IFT88: variants seen among roughly 807,000 people sequenced by gnomAD.
The protein encoded by IFT88 is intraflagellar transport 88.
Under a neutral mutation model 119.5 loss-of-function variants are expected in IFT88, and 74 were observed. The observed-to-expected ratio is 0.62, with a 90% CI of 0.51 to 0.75. The LOEUF (loss-of-function observed/expected upper bound fraction) is 0.75, where lower values mean the gene tolerates loss of function less well. IFT88 is among the 30% of genes least tolerant of loss of function. IFT88 has a pLI of 0.00. For missense variants in IFT88, 961 were observed against 977.7 expected (o/e 0.98, Z 0.23); for synonymous variants, 279 against 316.7 (o/e 0.88, Z 1.26).
intron 14 of IFT88, among the ~76,000 whole-genome samples, chr13:20,622,608 T>C (rs558949084): frequency 6.6e-6 from 1 of 152,384 alleles, no homozygotes; most frequent in Non-Finnish European, 1.5e-5. Context: ...CATGTACTTA[T>C]TAGCTATTTG....
At chr13:20,621,098 C>CTCTG (rs2046402782) in intron 14 of IFT88, among the ~76,000 whole-genome samples, 1 of 151,284 alleles carries the variant, frequency 6.6e-6, no homozygotes, top group Admixed American at 6.6e-5. Context: ...CAGAGTCTTG[C>CTCTG]TCTGTCACCC....
intron 23 of IFT88, 73 bp downstream of exon 23, chr13:20,663,677 A>G (rs987258214): frequency 9.6e-7 from 1 of 1,041,712 alleles, no homozygotes; most frequent in East Asian, 2.5e-5. Flanking sequence ...CAAATGTGTG[A>G]TGTTAGGAGC....
intron 22 of IFT88, among the ~76,000 whole-genome samples, chr13:20,657,207 G>A (rs558957677): frequency 1.3e-5 from 2 of 152,174 alleles, no homozygotes; most frequent in South Asian, 2.1e-4. Flanking sequence ...TTAATATGCT[G>A]CGTACTCAGT....
chr13:20,597,463 A>G (rs547473248), intron 9 of IFT88, among the ~76,000 whole-genome samples: 28 of 152,168 alleles, frequency 1.8e-4, no homozygotes, highest in Admixed American at 9.2e-4. Flanking sequence ...AAAAATATGT[A>G]GCCGGGTGCC....
At chr13:20,620,574 T>A (rs1380901587) in intron 14 of IFT88, among the ~76,000 whole-genome samples, 1 of 152,160 alleles carries the variant, frequency 6.6e-6, no homozygotes, top group Non-Finnish European at 1.5e-5. Context: ...TTATTTTTAT[T>A]TTTGTTTTTT....
In IFT88 at chr13:20,605,063, A is replaced by C; in HGVS notation, c.1070A>C (p.Glu357Ala). The C allele has an allele frequency of 6.6e-7, 1 of 1,510,372 alleles. No individual in the cohort carries two copies. Among genetic ancestry groups the C allele is most frequent in the Non-Finnish European group, 9.2e-7 (1 of 1,088,536 alleles). The allele number at this position is 1,510,372 out of a possible 1,614,324, so 93.6% of individuals were successfully genotyped here. ...GATCCTCATACTAACTTAGTAACTG[A>C]AGCTATAAAAAATGATCACCTCAGG... ...SDDPHTNLVT[E>A]AIKNDHLRQM... is the part of the protein sequence containing the mutation. The change falls in exon 13 of 26, where the codon GAA (glutamate) becomes GCA (alanine). Residue 357 changes from glutamate (E) to alanine (A), a missense_variant. Transcript: ENST00000351808.
chr13:20,611,017 GGGA>G (rs776567802), intron 13 of IFT88, among the ~76,000 whole-genome samples: 40 of 151,576 alleles, frequency 2.6e-4, no homozygotes, highest in Non-Finnish European at 3.2e-4. Context: ...CCTGAACCTG[GGGA>G]GGTTGAGTCT....
intron 18 of IFT88, chr13:20,642,295 G>T (rs2050069807): frequency 6.6e-6 from 1 of 152,090 alleles, no homozygotes. Flanking sequence ...TTTTGATAAA[G>T]AATTTTATTG....
At position 20,581,823 on chromosome 13, in the gene IFT88, A is replaced by G. The variant is rs144361647; in HGVS notation, c.91-1134A>G. Among the ~76,000 whole-genome samples the G allele has an allele frequency of 4.7e-3, 696 of 149,360 alleles. 10 individuals carry two copies. The highest frequency in any genetic ancestry group is 0.016 in the African/African-American group (660 of 40,566). ...AGCTGTGATCGCACCACTGTACTCC[A>G]GCTTGGAGGTTGGAGTGAAACCCTG... On this transcript the variant is annotated intron_variant, in intron 2 of 25. Transcript: ENST00000351808.
intron 24 of IFT88, among the ~76,000 whole-genome samples, chr13:20,673,190 C>G (rs373785860): frequency 6.6e-5 from 10 of 152,204 alleles, no homozygotes; most frequent in African/African-American, 2.2e-4. Context: ...CCAACCAGTT[C>G]CTTCTAAACA....
At chr13:20,688,236 A>G (rs945259296) in intron 24 of IFT88, among the ~76,000 whole-genome samples, 1 of 152,152 alleles carries the variant, frequency 6.6e-6, no homozygotes, top group Non-Finnish European at 1.5e-5. Context: ...AATCCCAGCT[A>G]CTCGAGAGGC....
chr13:20,683,462 C>T (rs1429587741), intron 24 of IFT88, among the ~76,000 whole-genome samples: 4 of 152,100 alleles, frequency 2.6e-5, no homozygotes, highest in Non-Finnish European at 5.9e-5. Flanking sequence ...AAATCTCTCC[C>T]CTATAAATTT....
chr13:20,643,468 G>GA lies in IFT88; in HGVS notation c.1700dup (p.Asn567LysfsTer7). On this transcript the variant is annotated frameshift_variant, in exon 19 of 26. Transcript: ENST00000351808. LOFTEE classifies it high-confidence loss of function. ...ACATTGCATAAGATATGAATTAATG[G>GA]AAAATCCCAGTCAAGCTATTGAATG... 6.3e-7 allele frequency: 1 copy of GA among 1,597,640 alleles called. No homozygotes were observed. Among genetic ancestry groups the GA allele is most frequent in the Non-Finnish European group, 8.5e-7 (1 of 1,175,804 alleles).
At chr13:20,670,608 T>C (rs2055646460) in intron 23 of IFT88, among the ~76,000 whole-genome samples, 1 of 151,554 alleles carries the variant, frequency 6.6e-6, no homozygotes, top group Admixed American at 6.6e-5. Context: ...AATGGCCCTT[T>C]TGTAGATTCT....
intron 16 of IFT88, among the ~76,000 whole-genome samples, chr13:20,637,953 A>AG (rs2049278848): frequency 6.6e-6 from 1 of 152,204 alleles, no homozygotes; most frequent in Non-Finnish European, 1.5e-5. Flanking sequence ...GAGACCTAGT[A>AG]GGTGACGCAG....
In IFT88 at chr13:20,691,044, C is replaced by A; in HGVS notation, c.2354-10C>A. 1.2e-6 allele frequency: 2 copies of A among 1,611,014 alleles called. No individual in the cohort carries two copies. The highest frequency in any genetic ancestry group is 1.7e-6 in the Non-Finnish European group (2 of 1,179,066). Reference sequence around the variant, plus strand: ...CATAACTCTAACGTGACAATCTCTTCGAAACCTAGATGCCTCCTATGTGGA... The same window carrying A: ...CATAACTCTAACGTGACAATCTCTTAGAAACCTAGATGCCTCCTATGTGGA... On this transcript the variant is annotated splice_polypyrimidine_tract_variant and intron_variant, in intron 25 of 25. Transcript: ENST00000351808.
Position 20,638,498 on chromosome 13 carries a change from C to G in IFT88, c.1553C>G (p.Thr518Ser). ...KEALRNDSSC[T>S]EALYNIGLTY... ...GCTCTAAGAAATGATTCTTCTTGTACTGAAGCACTTTATAATATTGGTAAG... is the reference window on the plus strand; with the variant it reads ...GCTCTAAGAAATGATTCTTCTTGTAGTGAAGCACTTTATAATATTGGTAAG... Residue 518 changes from threonine to serine, a missense_variant, in exon 17 of 26, where the codon ACT becomes AGT. Transcript: ENST00000351808. The G allele has an allele frequency of 1.4e-6, 2 of 1,480,266 alleles. No individual in the cohort carries two copies. Among genetic ancestry groups the G allele is most frequent in the Non-Finnish European group, 1.8e-6 (2 of 1,118,676 alleles). 91.7% of individuals were successfully genotyped at this position (1,480,266 alleles called of 1,614,324 possible). A position where few individuals can be genotyped will look rare whatever the true frequency, so the allele number is the denominator to read the frequency against.
chr13:20,665,728 G>T (rs758571748), intron 23 of IFT88, among the ~76,000 whole-genome samples: 3 of 152,192 alleles, frequency 2.0e-5, no homozygotes, highest in Admixed American at 1.3e-4. Flanking sequence ...ATGATCTGCC[G>T]TGCATATGGA....
intron 24 of IFT88, among the ~76,000 whole-genome samples, chr13:20,684,244 G>A (rs1341366989): frequency 6.6e-6 from 1 of 152,196 alleles, no homozygotes; most frequent in African/African-American, 2.4e-5. Flanking sequence ...GGTCGCTCGA[G>A]GCACTGCTGG....
Sources: gnomAD v4.1 joint callset for allele counts (sites outside exome capture counted in the v4.1 genomes callset) on GRCh38, gnomAD v4.1.1 for gene constraint, MANE v1.5 for transcripts, NCBI Gene and HGNC (gene_info 2026-07-23, HGNC 2026-07-21) for gene names.